RIPOR2: variants seen among roughly 807,000 people sequenced by gnomAD.
The protein encoded by RIPOR2 is RHO family interacting cell polarization regulator 2, also known as rho family-interacting cell polarization regulator 2.
In RIPOR2, 39 loss-of-function variants were observed where a neutral mutation model predicts 114.5. The ratio of observed to expected loss-of-function variants is 0.34; its 90% CI spans 0.26 to 0.44. The LOEUF is 0.44. Among genes scored for constraint, RIPOR2 ranks in the 20% least tolerant of loss-of-function variants. RIPOR2 has a pLI of 1.00. For missense variants in RIPOR2, 1,007 were observed against 1,255.1 expected, an observed-to-expected ratio of 0.80 and a Z score of 2.99; for synonymous variants, 445 against 484.4, an observed-to-expected ratio of 0.92 and a Z score of 1.07.
chr6:24,966,230 AACCAG>A (rs1295320482), intron 1 of RIPOR2, among the ~76,000 whole-genome samples: 2 of 152,338 alleles, frequency 1.3e-5, no homozygotes, highest in East Asian at 3.9e-4. Flanking sequence ...CAGAAGCATC[AACCAG>A]CACATACATC....
At chr6:25,003,171 G>A (rs1053677003) in intron 1 of RIPOR2, among the ~76,000 whole-genome samples, 3 of 152,034 alleles carry the variant, frequency 2.0e-5, no homozygotes, top group Admixed American at 1.3e-4. Flanking sequence ...ACATAGGGTC[G>A]AATCTTTAAA....
chr6:24,876,302 A>G (rs1229508376), intron 1 of RIPOR2, among the ~76,000 whole-genome samples: 2 of 152,166 alleles, frequency 1.3e-5, no homozygotes, highest in Non-Finnish European at 2.9e-5. Flanking sequence ...AAAAAAAGAA[A>G]AGAAGAAAGA....
At chr6:24,985,169 C>A (rs1366823942) in intron 1 of RIPOR2, among the ~76,000 whole-genome samples, 1 of 152,150 alleles carries the variant, frequency 6.6e-6, no homozygotes, top group Non-Finnish European at 1.5e-5. Flanking sequence ...TGATCAACAA[C>A]CATGAGGAAA....
chr6:24,933,206 AT>A (rs1276018762), intron 1 of RIPOR2, among the ~76,000 whole-genome samples: 3 of 152,240 alleles, frequency 2.0e-5, no homozygotes, highest in Non-Finnish European at 4.4e-5. Context: ...TCACTATTCT[AT>A]AAACCCATTT....
At chr6:24,817,976 C>CTTTTTTTTTTTTTTTTTTT (rs758675486) in intron 20 of RIPOR2, among the ~76,000 whole-genome samples, 3 of 84,448 alleles carry the variant, frequency 3.6e-5, no homozygotes, top group Admixed American at 1.3e-4. Flanking sequence ...CTCTCTCTCT[C>CTTTTTTTTTTTTTTTTTTT]TCTTTTTTTT....
At chr6:24,824,329 T>A (rs1759968100) in intron 19 of RIPOR2, among the ~76,000 whole-genome samples, 1 of 152,204 alleles carries the variant, frequency 6.6e-6, no homozygotes, top group Non-Finnish European at 1.5e-5. Flanking sequence ...AAAATGGCGT[T>A]AGAGTGGATT....
intron 1 of RIPOR2, chr6:24,947,958 A>G (rs956766828): frequency 9.2e-5 from 14 of 152,158 alleles, no homozygotes; most frequent in African/African-American, 3.4e-4. Flanking sequence ...TATTTTCCTA[A>G]TTAGTTCCCT....
At chr6:24,826,920 A>G (rs1373987965) in intron 18 of RIPOR2, among the ~76,000 whole-genome samples, 1 of 151,838 alleles carries the variant, frequency 6.6e-6, no homozygotes, top group Non-Finnish European at 1.5e-5. Flanking sequence ...TTTAATAATG[A>G]AGGCTTTTCC....
chr6:24,866,566 C>T (rs985955181), intron 6 of RIPOR2, among the ~76,000 whole-genome samples: 39 of 146,428 alleles, frequency 2.7e-4, no homozygotes, highest in African/African-American at 9.4e-4. Flanking sequence ...GTTGCTCAGG[C>T]TGGTCTCTAA....
chr6:24,856,173 C>T (rs571077403), intron 8 of RIPOR2, among the ~76,000 whole-genome samples: 18 of 152,006 alleles, frequency 1.2e-4, no homozygotes, highest in Non-Finnish European at 2.6e-4. Flanking sequence ...GTTACCATCA[C>T]TTGTCAGTAG....
chr6:25,003,224 C>T (rs1775396374), intron 1 of RIPOR2, among the ~76,000 whole-genome samples: 2 of 152,036 alleles, frequency 1.3e-5, no homozygotes, highest in African/African-American at 4.8e-5. Context: ...TTCTAAAACA[C>T]AAAACCATTC....
intron 1 of RIPOR2, among the ~76,000 whole-genome samples, chr6:24,944,333 G>A (rs1244669985): frequency 1.3e-5 from 2 of 152,082 alleles, no homozygotes; most frequent in Non-Finnish European, 2.9e-5. Context: ...TTGGTCCCAG[G>A]CATCTAAAGA....
chr6:24,847,857 C>T lies in RIPOR2; in HGVS notation c.1164+168G>A, dbSNP rs3813681. Among the ~76,000 whole-genome samples, 452 of 152,246 alleles carry T rather than the reference C, an allele frequency of 3.0e-3. 8 individuals are homozygous for T. The highest frequency in any genetic ancestry group is 0.018 in the East Asian group (93 of 5,190). On this transcript the variant is annotated intron_variant, in intron 12 of 21. Coordinates refer to ENST00000643898, the MANE Select transcript of RIPOR2 (RefSeq NM_001286445.3). ...ATGTTCAGAAAAATCTACATGTTACCATCACAGCAATAGGTAAGGTGGGCA... is the reference window on the plus strand; with the variant it reads ...ATGTTCAGAAAAATCTACATGTTACTATCACAGCAATAGGTAAGGTGGGCA...
At chr6:24,875,668 G>A (rs1399387556) in intron 2 of RIPOR2, 23 bp downstream of exon 2, 3 of 1,604,794 alleles carry the variant, frequency 1.9e-6, no homozygotes, top group South Asian at 2.2e-5. Flanking sequence ...CTGCATCCCG[G>A]GAGAGAACCA....
intron 1 of RIPOR2, among the ~76,000 whole-genome samples, chr6:24,948,849 T>C (rs981666260): frequency 6.6e-6 from 1 of 152,108 alleles, no homozygotes; most frequent in Non-Finnish European, 1.5e-5. Flanking sequence ...ATTTCAAACA[T>C]TTTTTTGCCT....
At chr6:24,909,179 C>A (rs905175271) in intron 1 of RIPOR2, among the ~76,000 whole-genome samples, 2 of 152,164 alleles carry the variant, frequency 1.3e-5, no homozygotes, top group East Asian at 3.8e-4. Context: ...GGGAAGCTAG[C>A]ACAGAAAGCT....
intron 1 of RIPOR2, among the ~76,000 whole-genome samples, chr6:24,911,379 A>G (rs1351181748): frequency 6.6e-6 from 1 of 151,920 alleles, no homozygotes; most frequent in Non-Finnish European, 1.5e-5. Context: ...AGGGCAGAGG[A>G]AAGGAGCCGA....
chr6:24,929,316 G>T (rs148222780), intron 1 of RIPOR2: 1 of 151,884 alleles, frequency 6.6e-6, no homozygotes, highest in Non-Finnish European at 1.5e-5. Flanking sequence ...GAATCCAACA[G>T]TTCAGGCTCT....
At chr6:24,899,791 T>G (rs1768228529) in intron 1 of RIPOR2, among the ~76,000 whole-genome samples, 1 of 152,218 alleles carries the variant, frequency 6.6e-6, no homozygotes, top group Non-Finnish European at 1.5e-5. Context: ...CCTCCCCTTT[T>G]GTGGGGTTGT....
Sources: gnomAD v4.1 joint callset for allele counts (sites outside exome capture counted in the v4.1 genomes callset) on GRCh38, gnomAD v4.1.1 for gene constraint, MANE v1.5 for transcripts, NCBI Gene and HGNC (gene_info 2026-07-23, HGNC 2026-07-21) for gene names.